The following EPC2 variants were observed in gnomAD, a reference collection of about 807,000 sequenced individuals.
EPC2 encodes enhancer of polycomb homolog 2.
Under a neutral mutation model 92.1 loss-of-function variants are expected in EPC2, and 14 were observed. That is an observed-to-expected ratio of 0.15 (90% CI 0.10 to 0.24). The LOEUF (loss-of-function observed/expected upper bound fraction) is 0.24. Among genes scored for constraint, EPC2 ranks in the 10% least tolerant of loss-of-function variants. The pLI, the probability that EPC2 is intolerant of heterozygous loss-of-function variation, is 1.00. For synonymous variants in EPC2, 340 were observed against 334.7 expected, an observed-to-expected ratio of 1.02 and a Z score of -0.17; for missense variants, 755 against 971.5, an observed-to-expected ratio of 0.78 and a Z score of 2.96.
In EPC2 at chr2:148,753,826, T is replaced by C. The variant is rs549062395; in HGVS notation, c.460-101T>C. 1.0e-5 allele frequency: 8 copies of C among 790,088 alleles called. No individual in the cohort carries two copies. In the East Asian group the frequency reaches 2.1e-4, roughly 21 times the overall value. 48.9% of individuals were successfully genotyped at this position (790,088 alleles called of 1,614,324 possible). A position where few individuals can be genotyped will look rare whatever the true frequency, so the allele number is the denominator to read the frequency against. Reference sequence around the variant, plus strand: ...CACTTACTATAATATTATCTGTTAGTAGTTATTGAAACTGGTCGCATTTTT... The same window carrying C: ...CACTTACTATAATATTATCTGTTAGCAGTTATTGAAACTGGTCGCATTTTT... On this transcript the variant is annotated intron_variant, in intron 3 of 13. Coordinates refer to ENST00000258484, the MANE Select transcript of EPC2 (RefSeq NM_015630.4).
At chr2:148,776,895 C>A (rs1212109317) in intron 10 of EPC2, among the ~76,000 whole-genome samples, 1 of 118,500 alleles carries the variant, frequency 8.4e-6, no homozygotes, top group South Asian at 2.9e-4. Context: ...GAGTCTTGTT[C>A]TCTCGCCCAC....
chr2:148,688,332 T>G (rs1681570819), intron 1 of EPC2, among the ~76,000 whole-genome samples: 1 of 151,874 alleles, frequency 6.6e-6, no homozygotes, highest in East Asian at 1.9e-4. Flanking sequence ...ACACCACATG[T>G]GCTCACTCAT....
At position 148,690,205 on chromosome 2, in the gene EPC2, A is replaced by G. The variant is rs1362168292; in HGVS notation, c.154-9A>G. 1.3e-6 allele frequency: 2 copies of G among 1,583,142 alleles called. No individual in the cohort carries two copies. The highest frequency in any genetic ancestry group is 1.7e-6 in the Non-Finnish European group (2 of 1,169,668). On this transcript the variant is annotated splice_polypyrimidine_tract_variant and intron_variant, in intron 1 of 13. Transcript: ENST00000258484. ...AAACAACTTATGTTGCCTACTTTAC[A>G]TTTTCCAGGAACATCATTTACAGCG...
intron 10 of EPC2, among the ~76,000 whole-genome samples, chr2:148,776,852 CTCTCTTT>C (rs1683654236): frequency 1.0e-5 from 1 of 99,856 alleles, no homozygotes; most frequent in Non-Finnish European, 1.9e-5. Flanking sequence ...CCCTGTCTCT[CTCTCTTT>C]TTTTTTTTTT....
chr2:148,646,336 T>C lies in EPC2; in HGVS notation c.153+1166T>C, dbSNP rs150270287. ...TGACCTCATTATGTTACCCTGTTAA[T>C]ACTACTTTGCTCTTATTTAATCACA... On this transcript the variant is annotated intron_variant, in intron 1 of 13. Transcript: ENST00000258484. 1.1e-3 allele frequency among the ~76,000 whole-genome samples: 168 copies of C among 152,344 alleles called. 1 individual carries two copies. Among genetic ancestry groups the C allele is most frequent in the Non-Finnish European group, 1.6e-3 (109 of 68,032 alleles).
In EPC2 at chr2:148,784,846, C is replaced by T. The variant is rs1683831694; in HGVS notation, c.2196C>T (p.His732=). 2.5e-6 allele frequency: 4 copies of T among 1,613,794 alleles called. No individual in the cohort carries two copies. Among genetic ancestry groups the T allele is most frequent in the Non-Finnish European group, 3.4e-6 (4 of 1,179,794 alleles). Residue 732 remains histidine (H), a synonymous_variant, in exon 13 of 14, where the codon CAC becomes CAT. Coordinates refer to ENST00000258484, the MANE Select transcript of EPC2 (RefSeq NM_015630.4). ...MNNSCLTNAV[H]LNNVSVVSPV... is the part of the protein sequence containing the mutation. ...ATTCCTGCCTGACAAATGCAGTGCA[C>T]CTCAATAATGTCAGTGTTGTTTCTC...
Position 148,783,975 on chromosome 2 carries a change from G to C in EPC2, c.2017+219G>C, listed in dbSNP as rs542286567. Among the ~76,000 whole-genome samples, 8 of 152,310 alleles carry C rather than the reference G, an allele frequency of 5.3e-5. No individual in the cohort carries two copies. In the South Asian group the frequency reaches 1.7e-3, roughly 32 times the overall value. ...TCCCTCATCCATTGAATACATACCTGTGTAACATTCTACCCTTCCTGGTTT... is the reference window on the plus strand; with the variant it reads ...TCCCTCATCCATTGAATACATACCTCTGTAACATTCTACCCTTCCTGGTTT... On this transcript the variant is annotated intron_variant, in intron 12 of 13. Coordinates refer to ENST00000258484, the MANE Select transcript of EPC2 (RefSeq NM_015630.4).
chr2:148,744,166 TATTTC>T (rs1682937802), intron 3 of EPC2, among the ~76,000 whole-genome samples: 1 of 152,124 alleles, frequency 6.6e-6, no homozygotes, highest in Non-Finnish European at 1.5e-5. Flanking sequence ...ACTTATACAT[TATTTC>T]AGTTCAGTGA....
chr2:148,721,625 G>A (rs1451498176), intron 2 of EPC2, among the ~76,000 whole-genome samples: 1 of 151,062 alleles, frequency 6.6e-6, no homozygotes, highest in African/African-American at 2.4e-5. Context: ...GAAATTCTCA[G>A]TCATTGTTGC....
chr2:148,662,274 C>G (rs1289526870), intron 1 of EPC2, among the ~76,000 whole-genome samples: 1 of 152,066 alleles, frequency 6.6e-6, no homozygotes, highest in African/African-American at 2.4e-5. Context: ...CCTCAGGGAT[C>G]TAGAACTAGA....
At chr2:148,720,733 G>A (rs369269821) in intron 2 of EPC2, among the ~76,000 whole-genome samples, 1 of 152,174 alleles carries the variant, frequency 6.6e-6, no homozygotes, top group Non-Finnish European at 1.5e-5. Context: ...GCTGGGGATG[G>A]GGGTTTCCTT....
chr2:148,697,383 A>G (rs1385384203), intron 2 of EPC2, among the ~76,000 whole-genome samples: 3 of 151,994 alleles, frequency 2.0e-5, no homozygotes, highest in East Asian at 3.9e-4. Context: ...GCAGACGTGT[A>G]TAACTGTGAT....
intron 1 of EPC2, among the ~76,000 whole-genome samples, chr2:148,663,238 A>ATTATTT (rs1553538195): frequency 7.1e-6 from 1 of 140,838 alleles, no homozygotes; most frequent in East Asian, 2.2e-4. Flanking sequence ...TATTATTATT[A>ATTATTT]TTTTGAGACA....
intron 4 of EPC2, among the ~76,000 whole-genome samples, chr2:148,759,132 G>A (rs1415584280): frequency 3.3e-5 from 5 of 152,016 alleles, no homozygotes; most frequent in African/African-American, 9.7e-5. Context: ...TGCTCTTGTC[G>A]CCCAGGCTGG....
intron 2 of EPC2, among the ~76,000 whole-genome samples, chr2:148,729,030 T>TA (rs1682562694): frequency 8.6e-5 from 1 of 11,628 alleles, no homozygotes; most frequent in South Asian, 3.4e-3. Context: ...AAACTCCATC[T>TA]CAAAAAAAAA....
chr2:148,662,994 T>G (rs1468436569), intron 1 of EPC2, among the ~76,000 whole-genome samples: 1 of 151,636 alleles, frequency 6.6e-6, no homozygotes, highest in African/African-American at 2.4e-5. Flanking sequence ...ATTTTTAAAT[T>G]TCCAGGAGAT....
At chr2:148,682,058 TTTTTATGGCTGCGTAGTA>T (rs1681408194) in intron 1 of EPC2, among the ~76,000 whole-genome samples, 4 of 152,204 alleles carry the variant, frequency 2.6e-5, no homozygotes, top group South Asian at 4.1e-4. Flanking sequence ...AACTCATCCT[TTTTTATGGCTGCGTAGTA>T]TTCTGTGGTG....
intron 1 of EPC2, among the ~76,000 whole-genome samples, chr2:148,653,240 T>G (rs1326662305): frequency 2.6e-5 from 4 of 152,206 alleles, no homozygotes; most frequent in Non-Finnish European, 5.9e-5. Flanking sequence ...TGGATTGAGT[T>G]TCGTTGTATT....
chr2:148,681,494 G>T (rs926737519), intron 1 of EPC2, among the ~76,000 whole-genome samples: 1 of 152,140 alleles, frequency 6.6e-6, no homozygotes, highest in Non-Finnish European at 1.5e-5. Flanking sequence ...AAACACAAAT[G>T]GGTAGTTTGA....
Sources: allele counts gnomAD v4.1 joint callset (sites outside exome capture counted in the v4.1 genomes callset), GRCh38; gene constraint gnomAD v4.1.1; transcripts MANE v1.5; gene names NCBI Gene and HGNC (gene_info 2026-07-23, HGNC 2026-07-21).